KCNJ1: variants seen among roughly 807,000 people sequenced by gnomAD.
KCNJ1 encodes potassium inwardly rectifying channel subfamily J member 1, also known as ATP-sensitive inward rectifier potassium channel 1.
KCNJ1 carries 24 observed loss-of-function variants against 21.9 expected under a neutral mutation model. The observed-to-expected ratio is 1.10, with a 90% confidence interval of 0.79 to 1.54. KCNJ1 has a LOEUF of 1.54. KCNJ1 is among the 40% of genes most tolerant of loss of function. KCNJ1 has a pLI of 0.00. For missense variants in KCNJ1, 457 were observed against 455.4 expected, an observed-to-expected ratio of 1.00 and a Z score of -0.03; for synonymous variants, 152 against 160.9, an observed-to-expected ratio of 0.94 and a Z score of 0.42.
At chr11:128,851,012 G>A (rs1464333887) in intron 1 of KCNJ1, 122 bp from the exon 2 acceptor site, 1 of 360,040 alleles carries the variant, frequency 2.8e-6, no homozygotes, top group Non-Finnish European at 3.9e-6. Flanking sequence ...ATCAGCAAAG[G>A]TAGAAAGGTC....
chr11:128,860,862 A>T (rs572422035), intron 1 of KCNJ1, among the ~76,000 whole-genome samples: 1 of 152,266 alleles, frequency 6.6e-6, no homozygotes, highest in East Asian at 1.9e-4. Flanking sequence ...CCCTTTCCTG[A>T]TTTTCAGAAT....
intron 2 of KCNJ1, among the ~76,000 whole-genome samples, chr11:128,849,680 A>G (rs543541038): frequency 6.6e-6 from 1 of 152,248 alleles, no homozygotes; most frequent in Non-Finnish European, 1.5e-5. Context: ...CCATGAGAGC[A>G]GCTGAAGATA....
chr11:128,853,996 T>G (rs1319839883), intron 1 of KCNJ1, among the ~76,000 whole-genome samples: 2 of 152,230 alleles, frequency 1.3e-5, no homozygotes, highest in Non-Finnish European at 2.9e-5. Context: ...GCTGCCCAGG[T>G]GTGTTTGGGT....
At position 128,854,060 on chromosome 11, in the gene KCNJ1, C is replaced by G. The variant is rs1943533850; in HGVS notation, c.-191-3170G>C. Among the ~76,000 whole-genome samples the G allele has an allele frequency of 2.0e-5, 3 of 149,322 alleles. No homozygotes were observed. The South Asian group carries it at 6.4e-4, about 32-fold the overall frequency. On this transcript the variant is annotated intron_variant, in intron 1 of 2. Coordinates refer to ENST00000392666, the MANE Select transcript of KCNJ1 (RefSeq NM_153766.3). ...TCATACCCACCCACCCACCCATCCA[C>G]CTGCACCTGGGCTCTGCAGGTCTGA...
chr11:128,842,778 A>G (rs187725180), intron 2 of KCNJ1, among the ~76,000 whole-genome samples: 1 of 152,238 alleles, frequency 6.6e-6, no homozygotes, highest in East Asian at 1.9e-4. Context: ...TTTCTCCTAA[A>G]AGTTGTGCCT....
intron 2 of KCNJ1, among the ~76,000 whole-genome samples, chr11:128,849,772 A>G (rs1334661338): frequency 6.6e-6 from 1 of 152,196 alleles, no homozygotes; most frequent in Non-Finnish European, 1.5e-5. Flanking sequence ...TGTGGGAGTG[A>G]CATTTTACAC....
chr11:128,839,306 G>T lies in KCNJ1; in HGVS notation c.938C>A (p.Thr313Lys), dbSNP rs779487505. Reference sequence around the variant, plus strand: ...ATCCACTCGGTATTTCCCTTCCTTTGTCTTGGATACTATGGGAGCAAAACG... The same window carrying T: ...ATCCACTCGGTATTTCCCTTCCTTTTTCTTGGATACTATGGGAGCAAAACG... Reference protein sequence around the residue: ...GYRFAPIVSKTKEGKYRVDFH... With the variant: ...GYRFAPIVSKKKEGKYRVDFH... Residue 313 changes from threonine (T) to lysine (K), a missense_variant, in exon 3 of 3, where the codon ACA becomes AAA. By Grantham distance (78) the Thr-to-Lys change is moderately conservative (BLOSUM62 -1). Transcript: ENST00000392666. 6.2e-7 allele frequency: 1 copy of T among 1,614,104 alleles called. No homozygotes were observed. Among genetic ancestry groups the T allele is most frequent in the Non-Finnish European group, 8.5e-7 (1 of 1,180,016 alleles).
chr11:128,840,359 T>C (rs1397324173), intron 2 of KCNJ1, 95 bp from the exon 3 acceptor site: 6 of 1,188,260 alleles, frequency 5.0e-6, no homozygotes, highest in African/African-American at 1.5e-5. Flanking sequence ...GAAAAGATCA[T>C]TCAAAATTAT....
intron 1 of KCNJ1, among the ~76,000 whole-genome samples, chr11:128,857,315 C>T (rs1373455042): frequency 6.6e-6 from 1 of 152,214 alleles, no homozygotes; most frequent in African/African-American, 2.4e-5. Flanking sequence ...CTTTCCATCT[C>T]TTATCAAGAG....
intron 2 of KCNJ1, among the ~76,000 whole-genome samples, chr11:128,847,954 G>A (rs1033724540): frequency 3.3e-5 from 5 of 151,270 alleles, no homozygotes; most frequent in Non-Finnish European, 7.4e-5. Context: ...CTGCATCCTC[G>A]ACCTCCTGGG....
At chr11:128,865,816 G>A (rs1458812271) in intron 1 of KCNJ1, among the ~76,000 whole-genome samples, 1 of 152,074 alleles carries the variant, frequency 6.6e-6, no homozygotes, top group African/African-American at 2.4e-5. Context: ...TTGAGACTTA[G>A]CTCTTCACAG....
chr11:128,857,022 G>C (rs1943602841), intron 1 of KCNJ1, among the ~76,000 whole-genome samples: 1 of 152,014 alleles, frequency 6.6e-6, no homozygotes. Context: ...GCCCCATATA[G>C]CCAGGACTCT....
Position 128,839,006 on chromosome 11 carries a change from TG to T in KCNJ1, c.*118del. 1 of 855,338 alleles carries T rather than the reference TG, an allele frequency of 1.2e-6. No individual in the cohort carries two copies. The highest frequency in any genetic ancestry group is 1.4e-5 in the South Asian group (1 of 69,018). 53.0% of individuals were successfully genotyped at this position (855,338 alleles called of 1,614,324 possible). ...TTGCGGGGCTCAGGGGTCTTTGTGC[TG>T]GTAGACTTTGAAGGCTCTCATCCTA... On this transcript the variant is annotated 3_prime_UTR_variant, in exon 3 of 3. Coordinates refer to ENST00000392666, the MANE Select transcript of KCNJ1 (RefSeq NM_153766.3).
intron 2 of KCNJ1, among the ~76,000 whole-genome samples, chr11:128,844,734 C>A (rs188268474): frequency 1.1e-3 from 173 of 152,216 alleles, no homozygotes; most frequent in Admixed American, 1.8e-3. Flanking sequence ...ACCACCCCAG[C>A]CTGCTCAGCA....
intron 1 of KCNJ1, among the ~76,000 whole-genome samples, chr11:128,853,186 A>G (rs1943508036): frequency 6.6e-6 from 1 of 152,238 alleles, no homozygotes; most frequent in Non-Finnish European, 1.5e-5. Context: ...TTCAGTGAGA[A>G]ATACACATAT....
chr11:128,848,409 C>G lies in KCNJ1; in HGVS notation c.-22+2312G>C, dbSNP rs184667024. Among the ~76,000 whole-genome samples the G allele has an allele frequency of 5.2e-3, 796 of 151,702 alleles. 18 individuals are homozygous for G. Among genetic ancestry groups the G allele is most frequent in the Non-Finnish European group, 8.1e-3 (547 of 67,938 alleles). On this transcript the variant is annotated intron_variant, in intron 2 of 2. Transcript: ENST00000392666. Reference sequence around the variant, plus strand: ...GTCTTACTATGTTTCCCAGGCTGGTCTTGAACTCCTGGCCTCAAGCAATCC... The same window carrying G: ...GTCTTACTATGTTTCCCAGGCTGGTGTTGAACTCCTGGCCTCAAGCAATCC...
At chr11:128,841,554 G>T (rs972764494) in intron 2 of KCNJ1, among the ~76,000 whole-genome samples, 1 of 152,076 alleles carries the variant, frequency 6.6e-6, no homozygotes, top group Non-Finnish European at 1.5e-5. Context: ...ACCCTGGTCC[G>T]CAATGTCTTC....
At position 128,840,020 on chromosome 11, in the gene KCNJ1, A is replaced by G. The variant is rs992128646; in HGVS notation, c.224T>C (p.Phe75Ser). The G allele has an allele frequency of 6.2e-7, 1 of 1,613,926 alleles. No homozygotes were observed. Among genetic ancestry groups the G allele is most frequent in the Admixed American group, 1.7e-5 (1 of 59,960 alleles). ...FITAFLGSWF[F>S]FGLLWYAVAY... ...TACTGCATACCACAGGAGACCAAAG[A>G]AAAACCAACTCCCCAAGAAGGCTGT... Residue 75 changes from phenylalanine to serine, a missense_variant, in exon 3 of 3, where the codon TTC (phenylalanine) becomes TCC (serine). Transcript: ENST00000392666.
At chr11:128,865,164 C>T (rs1256340007) in intron 1 of KCNJ1, among the ~76,000 whole-genome samples, 2 of 152,156 alleles carry the variant, frequency 1.3e-5, no homozygotes, top group Non-Finnish European at 2.9e-5. Context: ...CTCCAGTAGG[C>T]CCCTTCCTGC....
Sources: allele counts gnomAD v4.1 joint callset (sites outside exome capture counted in the v4.1 genomes callset), GRCh38; gene constraint gnomAD v4.1.1; transcripts MANE v1.5; gene names NCBI Gene and HGNC (gene_info 2026-07-23, HGNC 2026-07-21).